SLC25A21: variants seen among roughly 807,000 people sequenced by gnomAD.
The protein encoded by SLC25A21 is solute carrier family 25 member 21, also known as mitochondrial 2-oxodicarboxylate carrier.
SLC25A21 carries 47 observed loss-of-function variants against 43.8 expected under a neutral mutation model. The observed-to-expected ratio is 1.07, with a 90% CI of 0.85 to 1.37. The LOEUF (loss-of-function observed/expected upper bound fraction) is 1.37, where lower values mean the gene tolerates loss of function less well. SLC25A21 is among the 40% of genes most tolerant of loss of function. SLC25A21 has a pLI of 0.00. For synonymous variants in SLC25A21, 131 were observed against 121.3 expected (o/e 1.08, Z -0.52); for missense variants, 352 against 350.2 (o/e 1.00, Z -0.04).
At chr14:36,884,118 T>C (rs1400616304) in intron 1 of SLC25A21, among the ~76,000 whole-genome samples, 1 of 152,160 alleles carries the variant, frequency 6.6e-6, no homozygotes, top group Non-Finnish European at 1.5e-5. Flanking sequence ...TACCCTTTAA[T>C]CAACATCTCC....
chr14:36,811,331 T>C (rs557443058), intron 3 of SLC25A21, among the ~76,000 whole-genome samples: 63 of 152,190 alleles, frequency 4.1e-4, no homozygotes, highest in African/African-American at 9.1e-4. Context: ...AGAGGGTATA[T>C]GTGTAGAAGT....
chr14:37,046,460 C>G (rs1053388099), intron 1 of SLC25A21, among the ~76,000 whole-genome samples: 1 of 152,122 alleles, frequency 6.6e-6, no homozygotes, highest in Non-Finnish European at 1.5e-5. Flanking sequence ...GCATTTTTAA[C>G]TGAATTGGCC....
chr14:36,896,360 A>T (rs1891238671), intron 1 of SLC25A21, among the ~76,000 whole-genome samples: 2 of 152,042 alleles, frequency 1.3e-5, no homozygotes, highest in Admixed American at 6.5e-5. Flanking sequence ...CTAGGATTGC[A>T]ACTCCTGCCT....
intron 1 of SLC25A21, among the ~76,000 whole-genome samples, chr14:36,914,446 T>C (rs1891774682): frequency 6.6e-6 from 1 of 152,184 alleles, no homozygotes; most frequent in South Asian, 2.1e-4. Context: ...CACAGCAACA[T>C]TACATAAAGC....
chr14:36,721,668 T>C (rs1289670711), intron 6 of SLC25A21, among the ~76,000 whole-genome samples: 5 of 152,182 alleles, frequency 3.3e-5, no homozygotes, highest in African/African-American at 9.6e-5. Flanking sequence ...GGAAAAAATA[T>C]GGGTTCTGCT....
chr14:37,121,186 G>A (rs1963201025), intron 1 of SLC25A21, among the ~76,000 whole-genome samples: 1 of 152,132 alleles, frequency 6.6e-6, no homozygotes, highest in Admixed American at 6.6e-5. Context: ...CCTAGACACA[G>A]CTCATGAAAA....
At chr14:36,803,164 T>A (rs1322978866) in intron 3 of SLC25A21, among the ~76,000 whole-genome samples, 1 of 152,178 alleles carries the variant, frequency 6.6e-6, no homozygotes, top group African/African-American at 2.4e-5. Flanking sequence ...TGGAAAAAGA[T>A]AGAAGGTCTG....
intron 1 of SLC25A21, among the ~76,000 whole-genome samples, chr14:37,103,823 T>C (rs1353143630): frequency 6.6e-6 from 1 of 152,212 alleles, no homozygotes; most frequent in Non-Finnish European, 1.5e-5. Context: ...CAGGATGAGC[T>C]TGGTACTGAA....
intron 1 of SLC25A21, among the ~76,000 whole-genome samples, chr14:36,891,550 T>C (rs1233735132): frequency 2.0e-5 from 3 of 152,182 alleles, no homozygotes; most frequent in Non-Finnish European, 2.9e-5. Context: ...AAAGTATATA[T>C]AGGCAACATG....
At chr14:36,731,158 A>G (rs1010810605) in intron 4 of SLC25A21, among the ~76,000 whole-genome samples, 17 of 152,256 alleles carry the variant, frequency 1.1e-4, no homozygotes, top group Middle Eastern at 3.4e-3. Flanking sequence ...TATTTTTAGT[A>G]GAGACGGGGT....
At chr14:36,917,567 A>C (rs969505048) in intron 1 of SLC25A21, among the ~76,000 whole-genome samples, 1 of 152,142 alleles carries the variant, frequency 6.6e-6, no homozygotes, top group East Asian at 1.9e-4. Flanking sequence ...TGCATGGTGC[A>C]TAGGAGGCAA....
At chr14:37,110,922 G>A (rs1159637997) in intron 1 of SLC25A21, among the ~76,000 whole-genome samples, 1 of 150,794 alleles carries the variant, frequency 6.6e-6, no homozygotes, top group African/African-American at 2.5e-5. Flanking sequence ...TAAAAAAGAG[G>A]AGGAAAAAAA....
chr14:37,164,336 G>A (rs1963996893), intron 1 of SLC25A21, among the ~76,000 whole-genome samples: 1 of 152,102 alleles, frequency 6.6e-6, no homozygotes, highest in South Asian at 2.1e-4. Context: ...TTCCTCCTAT[G>A]TGCTTGAAAT....
chr14:36,948,490 G>A (rs1566762085), intron 1 of SLC25A21, among the ~76,000 whole-genome samples: 1 of 151,998 alleles, frequency 6.6e-6, no homozygotes, highest in Non-Finnish European at 1.5e-5. Flanking sequence ...TAATAATAAA[G>A]AATCATTGAA....
intron 1 of SLC25A21, among the ~76,000 whole-genome samples, chr14:36,913,199 G>A (rs1363262228): frequency 2.0e-5 from 3 of 152,146 alleles, no homozygotes; most frequent in Non-Finnish European, 4.4e-5. Flanking sequence ...TAAAGTATAA[G>A]CCTATATATT....
At chr14:37,160,653 G>A (rs565746971) in intron 1 of SLC25A21, among the ~76,000 whole-genome samples, 1 of 152,042 alleles carries the variant, frequency 6.6e-6, no homozygotes, top group Non-Finnish European at 1.5e-5. Flanking sequence ...ATTCAGGCCA[G>A]GTGCGGTGGC....
chr14:36,794,681 A>AT (rs1322877447), intron 3 of SLC25A21, among the ~76,000 whole-genome samples: 1 of 152,156 alleles, frequency 6.6e-6, no homozygotes, highest in African/African-American at 2.4e-5. Context: ...AGACAGGAGA[A>AT]TCGCTTGAAT....
At chr14:36,766,259 A>T (rs970527927) in intron 3 of SLC25A21, among the ~76,000 whole-genome samples, 2 of 152,236 alleles carry the variant, frequency 1.3e-5, no homozygotes, top group African/African-American at 4.8e-5. Context: ...GAAAGTGTTC[A>T]CATTTTACAC....
chr14:37,006,707 G>A (rs1467666592), intron 1 of SLC25A21, among the ~76,000 whole-genome samples: 2 of 151,462 alleles, frequency 1.3e-5, no homozygotes, highest in African/African-American at 4.9e-5. Flanking sequence ...TCTAAAATTG[G>A]GATTATCTTA....
Sources: gnomAD v4.1 joint callset for allele counts (sites outside exome capture counted in the v4.1 genomes callset) on GRCh38, gnomAD v4.1.1 for gene constraint, MANE v1.5 for transcripts, NCBI Gene and HGNC (gene_info 2026-07-23, HGNC 2026-07-21) for gene names.